The following MACIR variants were observed in gnomAD, a reference collection of about 807,000 sequenced individuals.
MACIR encodes UNC119-binding protein C5orf30.
Under a neutral mutation model 14.3 loss-of-function variants are expected in MACIR, and 4 were observed. The observed-to-expected ratio is 0.28, with a 90% CI of 0.14 to 0.64. The LOEUF (loss-of-function observed/expected upper bound fraction) is 0.64. Among genes scored for constraint, MACIR ranks in the 30% least tolerant of loss-of-function variants. The pLI is 0.83. For missense variants in MACIR, 228 were observed against 257.6 expected (o/e 0.89, Z 0.79); for synonymous variants, 101 against 102.4 (o/e 0.99, Z 0.08).
chr5:103,264,393 G>A (rs2149923657), intron 1 of MACIR, among the ~76,000 whole-genome samples: 1 of 152,186 alleles, frequency 6.6e-6, no homozygotes, highest in East Asian at 1.9e-4. Context: ...AGATGCTAAA[G>A]AAATGTTCGT....
At chr5:103,271,860 A>T (rs1554237149) in intron 2 of MACIR, among the ~76,000 whole-genome samples, 1 of 152,016 alleles carries the variant, frequency 6.6e-6, no homozygotes, top group Non-Finnish European at 1.5e-5. Context: ...TCTATTTTCT[A>T]TTTACAGTCT....
intron 2 of MACIR, among the ~76,000 whole-genome samples, 176 bp from the exon 3 acceptor site, chr5:103,275,720 GT>G (rs1254204140): frequency 1.3e-5 from 2 of 152,138 alleles, no homozygotes; most frequent in African/African-American, 2.4e-5. Context: ...AGGCAGAGAG[GT>G]ATTGTCATTT....
At chr5:103,272,145 A>G (rs909340410) in intron 2 of MACIR, among the ~76,000 whole-genome samples, 7 of 152,204 alleles carry the variant, frequency 4.6e-5, no homozygotes, top group African/African-American at 1.7e-4. Flanking sequence ...TGAGTCATGC[A>G]TAGACTTATT....
chr5:103,272,340 T>A (rs1805163557), intron 2 of MACIR, among the ~76,000 whole-genome samples: 1 of 149,098 alleles, frequency 6.7e-6, no homozygotes, highest in Non-Finnish European at 1.5e-5. Flanking sequence ...TTGAGACTGT[T>A]CAGTTTTTAC....
At chr5:103,261,659 TTTCTTTC>T (rs1804706265) in intron 1 of MACIR, among the ~76,000 whole-genome samples, 1 of 107,404 alleles carries the variant, frequency 9.3e-6, no homozygotes, top group South Asian at 2.6e-4. Context: ...TCTTTCTTTC[TTTCTTTC>T]TTTCTTTCTT....
At position 103,268,259 on chromosome 5, in the gene MACIR, CTG is replaced by C. The variant is rs369049922; in HGVS notation, c.-24+2264_-24+2265del. On this transcript the variant is annotated intron_variant, in intron 2 of 2. Transcript: ENST00000319933. ...TTCAATTTTATAAGTAAATGCCAAA[CTG>C]TTCTCTAACGTAGCTGCACCTGACA... is the stretch of plus-strand genomic sequence containing the variant. 5.9e-5 allele frequency among the ~76,000 whole-genome samples: 9 copies of C among 152,286 alleles called. No homozygotes were observed. The East Asian group carries it at 1.5e-3, about 26-fold the overall frequency.
Position 103,276,312 on chromosome 5 carries a change from A to C in MACIR, c.393A>C (p.Pro131=). Reference sequence around the variant, plus strand: ...ATGGCAGGAGGCGAAGGCGGATGCCAAGCTCAGGAGACAAGTGCACTAAAT... The same window carrying C: ...ATGGCAGGAGGCGAAGGCGGATGCCCAGCTCAGGAGACAAGTGCACTAAAT... ...AVNGRRRRRM[P]SSGDKCTKSL... Residue 131 remains proline, a synonymous_variant, in exon 3 of 3, where the codon CCA becomes CCC. Coordinates refer to ENST00000319933, the MANE Select transcript of MACIR (RefSeq NM_033211.4). The C allele has an allele frequency of 6.2e-7, 1 of 1,612,528 alleles. No homozygotes were observed. The highest frequency in any genetic ancestry group is 8.5e-7 in the Non-Finnish European group (1 of 1,179,842).
chr5:103,267,672 C>T (rs1044834334), intron 2 of MACIR, among the ~76,000 whole-genome samples: 5 of 152,050 alleles, frequency 3.3e-5, no homozygotes, highest in Non-Finnish European at 7.4e-5. Flanking sequence ...ATTTGGAGGA[C>T]CATCTGAAAC....
chr5:103,259,525 C>G (rs1554236007), intron 1 of MACIR: 1 of 152,262 alleles, frequency 6.6e-6, no homozygotes, highest in Non-Finnish European at 1.5e-5. Flanking sequence ...TGCCCGGCCG[C>G]GCTCAGGGTG....
intron 2 of MACIR, among the ~76,000 whole-genome samples, chr5:103,270,564 A>C (rs1487246638): frequency 6.6e-6 from 1 of 152,232 alleles, no homozygotes; most frequent in Non-Finnish European, 1.5e-5. Flanking sequence ...GTTTCAAAAC[A>C]ATAACAAGGA....
chr5:103,276,544 A>T lies in MACIR; in HGVS notation c.*4A>T, dbSNP rs377212533. The T allele has an allele frequency of 2.5e-6, 4 of 1,600,346 alleles. No individual in the cohort carries two copies. The Admixed American group carries it at 6.9e-5, about 28-fold the overall frequency. On this transcript the variant is annotated 3_prime_UTR_variant, in exon 3 of 3. Coordinates refer to ENST00000319933, the MANE Select transcript of MACIR (RefSeq NM_033211.4). ...GTTTGCTAGGAATAATACATGAATG[A>T]CTTGGAGAGAGCTTAAACCAATTTA...
At chr5:103,266,538 CT>C (rs1411594503) in intron 2 of MACIR, among the ~76,000 whole-genome samples, 2 of 152,034 alleles carry the variant, frequency 1.3e-5, no homozygotes, top group Admixed American at 1.3e-4. Context: ...TGTTTTCTTC[CT>C]TTAGTTGTCT....
chr5:103,266,611 T>C (rs1804932623), intron 2 of MACIR, among the ~76,000 whole-genome samples: 1 of 152,124 alleles, frequency 6.6e-6, no homozygotes, highest in African/African-American at 2.4e-5. Flanking sequence ...TCGAAGTCTT[T>C]GAAGGGAAAA....
rs181811270 is a variant in MACIR, at chr5:103,274,092, C to T, written c.-23-1805C>T. Among the ~76,000 whole-genome samples, 93 of 152,218 alleles carry T rather than the reference C, an allele frequency of 6.1e-4. 1 individual carries two copies. Among genetic ancestry groups the T allele is most frequent in the African/African-American group, 2.2e-3 (91 of 41,546 alleles). Reference sequence around the variant, plus strand: ...AGAAACAGCTACTACCTGTAGCTGCCAGTCAGGTTACGTAGGTTGGAGGCC... The same window carrying T: ...AGAAACAGCTACTACCTGTAGCTGCTAGTCAGGTTACGTAGGTTGGAGGCC... On this transcript the variant is annotated intron_variant, in intron 2 of 2. Coordinates refer to ENST00000319933, the MANE Select transcript of MACIR (RefSeq NM_033211.4).
At chr5:103,271,509 C>T (rs1408433190) in intron 2 of MACIR, among the ~76,000 whole-genome samples, 1 of 151,970 alleles carries the variant, frequency 6.6e-6, no homozygotes, top group Non-Finnish European at 1.5e-5. Flanking sequence ...TAAAAATGTA[C>T]TGTGTACATT....
chr5:103,274,360 A>G (rs1339470054), intron 2 of MACIR, among the ~76,000 whole-genome samples: 1 of 150,132 alleles, frequency 6.7e-6, no homozygotes, highest in Admixed American at 6.6e-5. Flanking sequence ...TTTATTTTAT[A>G]TAAATAATAT....
At chr5:103,275,778 T>G in intron 2 of MACIR, 119 bp from the exon 3 acceptor site, 1 of 766,408 alleles carries the variant, frequency 1.3e-6, no homozygotes. Context: ...ATGTCAGTGG[T>G]ACATTGACTG....
At chr5:103,262,586 A>G (rs2149921726) in intron 1 of MACIR, among the ~76,000 whole-genome samples, 1 of 152,340 alleles carries the variant, frequency 6.6e-6, no homozygotes, top group African/African-American at 2.4e-5. Flanking sequence ...TAATGTTTGC[A>G]AACTTTTCTA....
chr5:103,268,018 C>A (rs1449819951), intron 2 of MACIR, among the ~76,000 whole-genome samples: 1 of 152,162 alleles, frequency 6.6e-6, no homozygotes, highest in South Asian at 2.1e-4. Flanking sequence ...CCAGATTGTT[C>A]CACTTCATTG....
Sources: gnomAD v4.1 joint callset for allele counts (sites outside exome capture counted in the v4.1 genomes callset) on GRCh38, gnomAD v4.1.1 for gene constraint, MANE v1.5 for transcripts, NCBI Gene and HGNC (gene_info 2026-07-23, HGNC 2026-07-21) for gene names.